Variants in NPSR1 observed in about 807,000 individuals in gnomAD.
The protein encoded by NPSR1 is neuropeptide S receptor.
Under a neutral mutation model 46.9 loss-of-function variants are expected in NPSR1, and 48 were observed. The ratio of observed to expected loss-of-function variants is 1.02; its 90% CI spans 0.81 to 1.30. The LOEUF is 1.30. Among genes scored for constraint, NPSR1 ranks in the 50% most tolerant of loss-of-function variants. The pLI is 0.00. For missense variants in NPSR1, 450 were observed against 449.5 expected (o/e 1.00, Z -0.01); for synonymous variants, 176 against 168.1 (o/e 1.05, Z -0.36).
intron 2 of NPSR1, among the ~76,000 whole-genome samples, chr7:34,705,915 C>G (rs1453524402): frequency 6.8e-6 from 1 of 147,926 alleles, no homozygotes; most frequent in Non-Finnish European, 1.5e-5. Flanking sequence ...TCTCAACTTT[C>G]TGTAGTACTT....
intron 2 of NPSR1, chr7:34,761,333 A>G (rs1046457333): frequency 1.1e-4 from 16 of 152,210 alleles, no homozygotes; most frequent in Admixed American, 2.0e-4. Context: ...ACTATAACTT[A>G]GTCATTGGTA....
chr7:34,694,246 C>T (rs947555394), intron 2 of NPSR1, among the ~76,000 whole-genome samples: 1 of 152,090 alleles, frequency 6.6e-6, no homozygotes, highest in Non-Finnish European at 1.5e-5. Context: ...TGACTGTATA[C>T]TTAGAAAACA....
intron 2 of NPSR1, among the ~76,000 whole-genome samples, chr7:34,688,527 C>T (rs1169642937): frequency 1.3e-5 from 2 of 152,160 alleles, no homozygotes; most frequent in East Asian, 1.9e-4. Flanking sequence ...TCCCTTTCCA[C>T]ACAAAGAACT....
intron 1 of NPSR1, among the ~76,000 whole-genome samples, chr7:34,668,418 G>A (rs1395033309): frequency 7.9e-5 from 12 of 152,122 alleles, no homozygotes; most frequent in Non-Finnish European, 5.9e-5. Context: ...TCTAGGTTAA[G>A]ATTAAAATGC....
intron 2 of NPSR1, among the ~76,000 whole-genome samples, chr7:34,752,677 T>G (rs138725041): frequency 2.0e-5 from 3 of 152,298 alleles, no homozygotes; most frequent in East Asian, 3.9e-4. Context: ...ATTAGGAATA[T>G]TCTCCACGAG....
At chr7:34,720,658 C>T (rs1387348496) in intron 2 of NPSR1, among the ~76,000 whole-genome samples, 1 of 151,944 alleles carries the variant, frequency 6.6e-6, no homozygotes, top group East Asian at 1.9e-4. Flanking sequence ...ATTTAAGAGT[C>T]CTGAAGAGTC....
chr7:34,756,392 G>A (rs147782140), intron 2 of NPSR1, among the ~76,000 whole-genome samples: 5 of 152,284 alleles, frequency 3.3e-5, no homozygotes, highest in African/African-American at 9.6e-5. Flanking sequence ...TGTCACAACC[G>A]ATCTGGATCC....
intron 3 of NPSR1, chr7:34,779,585 G>T (rs1787135983): frequency 7.8e-7 from 1 of 1,280,324 alleles, no homozygotes; most frequent in Middle Eastern, 2.0e-4. Context: ...AATGAATATG[G>T]AATAGTTACA....
At chr7:34,751,857 TG>T in intron 2 of NPSR1, 1 of 1,578,594 alleles carries the variant, frequency 6.3e-7, no homozygotes, top group Non-Finnish European at 8.7e-7. Flanking sequence ...CCTCTTTGAA[TG>T]GGATCCAGAG....
rs1042152747 is a variant in NPSR1, at chr7:34,779,626, A to C, written c.384+1061A>C. On this transcript the variant is annotated intron_variant, in intron 3 of 8. Transcript: ENST00000360581. ...CTTTTGTGCTCTGAATATAACCTTGAAAGTTTGGTATGTCTGAAAGAGCCT... is the reference window on the plus strand; with the variant it reads ...CTTTTGTGCTCTGAATATAACCTTGCAAGTTTGGTATGTCTGAAAGAGCCT... The C allele has an allele frequency of 2.3e-5, 28 of 1,213,888 alleles. No homozygotes were observed. The Admixed American group carries it at 1.0e-3, about 45-fold the overall frequency. The allele number at this position is 1,213,888 out of a possible 1,614,324, so 75.2% of individuals were successfully genotyped here.
At position 34,667,688 on chromosome 7, in the gene NPSR1, T is replaced by C. The variant is rs78673180; in HGVS notation, c.147+9129T>C. ...GTGGTTGGAAAGGAATAAGATGCAA[T>C]CATAACTTTGACAAGACTCACAAGA... On this transcript the variant is annotated intron_variant, in intron 1 of 8. Coordinates refer to ENST00000360581, the MANE Select transcript of NPSR1 (RefSeq NM_207172.2). Among the ~76,000 whole-genome samples, 223 of 152,214 alleles carry C rather than the reference T, an allele frequency of 1.5e-3. 3 individuals are homozygous for C. The East Asian group carries it at 0.025, about 17-fold the overall frequency.
intron 6 of NPSR1, among the ~76,000 whole-genome samples, chr7:34,844,227 T>C (rs1245870518): frequency 6.6e-6 from 1 of 152,262 alleles, no homozygotes; most frequent in African/African-American, 2.4e-5. Flanking sequence ...TGGTTATTGA[T>C]TCATTCAACA....
intron 2 of NPSR1, among the ~76,000 whole-genome samples, chr7:34,721,768 C>G (rs1372347328): frequency 6.6e-6 from 1 of 152,036 alleles, no homozygotes; most frequent in African/African-American, 2.4e-5. Context: ...ATGAAAGCAA[C>G]AGTTTTTAAA....
intron 2 of NPSR1, among the ~76,000 whole-genome samples, chr7:34,757,767 G>GTCTGCTCCGCATA (rs1212148587): frequency 6.6e-6 from 1 of 152,158 alleles, no homozygotes; most frequent in African/African-American, 2.4e-5. Context: ...TGTTCTGCTA[G>GTCTGCTCCGCATA]TCTGCTCCGC....
At chr7:34,666,883 GT>G (rs1185312250) in intron 1 of NPSR1, among the ~76,000 whole-genome samples, 1 of 152,092 alleles carries the variant, frequency 6.6e-6, no homozygotes, top group Admixed American at 6.5e-5. Context: ...AGATTGTATG[GT>G]TTTGAGTAAC....
chr7:34,819,869 A>G (rs1175639929), intron 4 of NPSR1, among the ~76,000 whole-genome samples: 4 of 152,308 alleles, frequency 2.6e-5, no homozygotes, highest in Non-Finnish European at 5.9e-5. Context: ...GGAACTGAAC[A>G]ACGAAAACAC....
rs1286017717 is a variant in NPSR1, at chr7:34,827,457, A to G, written c.535A>G (p.Ile179Val). 2.5e-6 allele frequency: 4 copies of G among 1,614,000 alleles called. No individual in the cohort carries two copies. The highest frequency in any genetic ancestry group is 2.5e-6 in the Non-Finnish European group (3 of 1,180,010). Residue 179 changes from isoleucine (I) to valine (V), a missense_variant, in exon 5 of 9, where the codon ATT becomes GTT. Transcript: ENST00000360581. ...CTGGAGCCTGTCTTTTCTGTTCTCC[A>G]TTCCCACCCTGATCATATTTGGGAA... ...IAWSLSFLFS[I>V]PTLIIFGKRT...
At chr7:34,866,205 T>C (rs1406205829) in intron 8 of NPSR1, among the ~76,000 whole-genome samples, 1 of 151,730 alleles carries the variant, frequency 6.6e-6, no homozygotes, top group Non-Finnish European at 1.5e-5. Flanking sequence ...TGCCGATGGA[T>C]TGGTCAGCAC....
chr7:34,694,900 G>T (rs1237462534), intron 2 of NPSR1, among the ~76,000 whole-genome samples: 1 of 152,100 alleles, frequency 6.6e-6, no homozygotes, highest in African/African-American at 2.4e-5. Context: ...AGTAGAGACG[G>T]GGTTTCACCA....
Sources: gnomAD v4.1 joint callset for allele counts (sites outside exome capture counted in the v4.1 genomes callset) on GRCh38, gnomAD v4.1.1 for gene constraint, MANE v1.5 for transcripts, NCBI Gene and HGNC (gene_info 2026-07-23, HGNC 2026-07-21) for gene names.